The following PCNX2 variants were observed in gnomAD, a reference collection of about 807,000 sequenced individuals.
PCNX2 encodes pecanex 2.
In PCNX2, 168 loss-of-function variants were observed where a neutral mutation model predicts 223.8. The observed-to-expected ratio is 0.75, with a 90% CI of 0.66 to 0.85. The LOEUF is 0.85. Ranked by LOEUF, PCNX2 falls within the 40% of genes least tolerant of loss-of-function variation. The probability of loss-of-function intolerance (pLI) is 0.00; values close to 1 mark genes in which losing one functional copy is unlikely to be tolerated. For synonymous variants in PCNX2, 1,006 were observed against 1,052.6 expected, an observed-to-expected ratio of 0.96 and a Z score of 0.86; for missense variants, 2,507 against 2,675.5, an observed-to-expected ratio of 0.94 and a Z score of 1.39.
intron 21 of PCNX2, chr1:233,112,892 T>G: frequency 7.8e-7 from 1 of 1,289,256 alleles, no homozygotes; most frequent in South Asian, 1.2e-5. Flanking sequence ...TTTCAGCCCC[T>G]CCCATGAGAT....
chr1:233,171,293 C>CT (rs369260292), intron 17 of PCNX2, among the ~76,000 whole-genome samples: 53 of 147,086 alleles, frequency 3.6e-4, no homozygotes, highest in Middle Eastern at 3.5e-3. Flanking sequence ...TCCAAGACCA[C>CT]TTTTTTTTTT....
intron 15 of PCNX2, among the ~76,000 whole-genome samples, chr1:233,185,029 C>T (rs1680009408): frequency 6.6e-6 from 1 of 151,796 alleles, no homozygotes; most frequent in African/African-American, 2.4e-5. Flanking sequence ...GAAACACCCT[C>T]ATTCTCCAGG....
chr1:233,160,485 G>T, intron 18 of PCNX2, 52 bp from the exon 19 acceptor site: 1 of 1,556,356 alleles, frequency 6.4e-7, no homozygotes, highest in East Asian at 2.2e-5. Context: ...GATGGGGAGA[G>T]GGATGCCCAT....
chr1:233,058,665 CTTTTTTTTTTT>C (rs771648037), intron 23 of PCNX2: 1 of 119,812 alleles, frequency 8.3e-6, no homozygotes, highest in Non-Finnish European at 1.7e-5. Context: ...CTTTTCTTTT[CTTTTTTTTTTT>C]TTTTTTTTGA....
At chr1:233,268,159 G>A (rs988465808) in intron 1 of PCNX2, among the ~76,000 whole-genome samples, 1 of 152,134 alleles carries the variant, frequency 6.6e-6, no homozygotes, top group Non-Finnish European at 1.5e-5. Flanking sequence ...TGATCCACTC[G>A]CCTTGGCCTC....
At chr1:233,249,245 A>C (rs1659308306) in intron 8 of PCNX2, among the ~76,000 whole-genome samples, 1 of 152,226 alleles carries the variant, frequency 6.6e-6, no homozygotes, top group African/African-American at 2.4e-5. Context: ...ACATATATTT[A>C]TCCTGGGGGG....
chr1:233,025,294 C>G lies in PCNX2; in HGVS notation c.4457G>C (p.Cys1486Ser). 6.2e-7 allele frequency: 1 copy of G among 1,614,036 alleles called. No homozygotes were observed. Among genetic ancestry groups the G allele is most frequent in the Non-Finnish European group, 8.5e-7 (1 of 1,179,890 alleles). The change falls in exon 26 of 34, where the codon TGC (cysteine) becomes TCC (serine). Residue 1486 changes from cysteine (C) to serine (S), a missense_variant. Transcript: ENST00000258229. The part of the protein sequence containing the change: ...KPGHLPHLLS[C>S]NAAFHLRWLT... ...CCAGCGGAGGTGAAAGGCAGCGTTG[C>G]AGGACAGCAGGTGAGGCAAGTGGCC...
chr1:233,241,441 A>AGAGAT, intron 8 of PCNX2: 4 of 907,108 alleles, frequency 4.4e-6, no homozygotes, highest in African/African-American at 1.8e-5. Flanking sequence ...TCTCTTTCTA[A>AGAGAT]TACGTCTAAG....
chr1:233,283,287 T>G (rs540803595), intron 1 of PCNX2, among the ~76,000 whole-genome samples: 4 of 152,314 alleles, frequency 2.6e-5, no homozygotes, highest in African/African-American at 9.6e-5. Flanking sequence ...ATCTATAGAT[T>G]GATCAATCTT....
chr1:233,273,036 G>A (rs143328487), intron 1 of PCNX2, among the ~76,000 whole-genome samples: 2 of 151,562 alleles, frequency 1.3e-5, no homozygotes, highest in African/African-American at 4.8e-5. Context: ...ACAACAAATT[G>A]GGTATAGTGT....
intron 1 of PCNX2, among the ~76,000 whole-genome samples, chr1:233,287,762 C>T (rs1418660182): frequency 2.0e-5 from 3 of 152,134 alleles, no homozygotes; most frequent in Non-Finnish European, 2.9e-5. Context: ...AATGCTTGGG[C>T]TTTAATCCTA....
At chr1:233,009,957 T>G (rs953660517) in intron 28 of PCNX2, among the ~76,000 whole-genome samples, 1 of 152,240 alleles carries the variant, frequency 6.6e-6, no homozygotes, top group Non-Finnish European at 1.5e-5. Flanking sequence ...GCTATCATTT[T>G]TTCCCCCTAT....
At chr1:233,010,440 A>C (rs1299284870) in intron 28 of PCNX2, among the ~76,000 whole-genome samples, 1 of 152,180 alleles carries the variant, frequency 6.6e-6, no homozygotes, top group African/African-American at 2.4e-5. Context: ...GAGTCAGTAA[A>C]TTTTCTTTTA....
intron 14 of PCNX2, 138 bp downstream of exon 14, chr1:233,200,016 G>GA (rs1252675401): frequency 1.5e-6 from 1 of 687,284 alleles, no homozygotes; most frequent in Non-Finnish European, 2.3e-6. Flanking sequence ...TCATCACCCA[G>GA]ACTGATCCAA....
intron 23 of PCNX2, among the ~76,000 whole-genome samples, chr1:233,080,401 A>AACACAC (rs10611197): frequency 1.8e-4 from 26 of 140,608 alleles, no homozygotes; most frequent in African/African-American, 6.3e-4. Flanking sequence ...CACACACACA[A>AACACAC]ACACACACAC....
At chr1:233,161,428 G>T (rs1198047258) in intron 17 of PCNX2, 65 bp from the exon 18 acceptor site, 1 of 1,391,620 alleles carries the variant, frequency 7.2e-7, no homozygotes, top group Non-Finnish European at 1.0e-6. Context: ...GTGTAACCAG[G>T]TAAATCAAGC....
At chr1:233,248,649 C>T (rs577231016) in intron 8 of PCNX2, among the ~76,000 whole-genome samples, 4 of 152,184 alleles carry the variant, frequency 2.6e-5, no homozygotes. Flanking sequence ...GTTACATCAC[C>T]GCAAAATCCC....
At chr1:233,189,626 C>T (rs1157702278) in intron 15 of PCNX2, among the ~76,000 whole-genome samples, 2 of 151,978 alleles carry the variant, frequency 1.3e-5, no homozygotes, top group Non-Finnish European at 2.9e-5. Context: ...ACCCTGAGTG[C>T]CTGTAAAGTA....
chr1:233,234,491 G>C (rs1281420220), intron 9 of PCNX2, among the ~76,000 whole-genome samples: 1 of 152,178 alleles, frequency 6.6e-6, no homozygotes. Context: ...CAGATGAGTT[G>C]AGTTTTTATG....
Sources: allele counts gnomAD v4.1 joint callset (sites outside exome capture counted in the v4.1 genomes callset), GRCh38; gene constraint gnomAD v4.1.1; transcripts MANE v1.5; gene names NCBI Gene and HGNC (gene_info 2026-07-23, HGNC 2026-07-21).